GRIA2: variants seen among roughly 807,000 people sequenced by gnomAD.
GRIA2 encodes the protein glutamate receptor 2.
Under a neutral mutation model 97.3 loss-of-function variants are expected in GRIA2, and 14 were observed. That is an observed-to-expected ratio of 0.14 (90% CI 0.10 to 0.23). The LOEUF is 0.23. GRIA2 is among the 10% of genes least tolerant of loss of function. The pLI, the probability that GRIA2 is intolerant of heterozygous loss-of-function variation, is 1.00. For synonymous variants in GRIA2, 412 were observed against 387.8 expected (o/e 1.06, Z -0.73); for missense variants, 558 against 1,069.8 (o/e 0.52, Z 6.67).
intron 6 of GRIA2, among the ~76,000 whole-genome samples, chr4:157,325,591 C>G (rs143044950): frequency 1.5e-3 from 223 of 152,234 alleles, no homozygotes; most frequent in African/African-American, 5.1e-3. Flanking sequence ...CTTATATATT[C>G]AAAACTAAAC....
At position 157,221,070 on chromosome 4, in the gene GRIA2, C is replaced by G. The variant is rs1386115958; in HGVS notation, c.28C>G (p.Leu10Val). The change falls in exon 1 of 16, where the codon CTC becomes GTC. Residue 10 changes from leucine to valine, a missense_variant. Coordinates refer to ENST00000264426, the MANE Select transcript of GRIA2 (RefSeq NM_001083619.3). ...GCAAAAGATTATGCATATTTCTGTCCTCCTTTCTCCTGTTTTATGGGGACT... is the reference window on the plus strand; with the variant it reads ...GCAAAAGATTATGCATATTTCTGTCGTCCTTTCTCCTGTTTTATGGGGACT... MQKIMHISV[L>V]LSPVLWGLIF... is the part of the protein sequence containing the mutation. 1 of 1,590,624 alleles carries G rather than the reference C, an allele frequency of 6.3e-7. No homozygotes were observed. Among genetic ancestry groups the G allele is most frequent in the South Asian group, 1.1e-5 (1 of 90,596 alleles).
At chr4:157,362,309 G>A in intron 14 of GRIA2, 1 of 445,132 alleles carries the variant, frequency 2.2e-6, no homozygotes, top group South Asian at 1.6e-5. Context: ...TACTTTGAGG[G>A]ATTGGAAATG....
chr4:157,284,885 C>A (rs1732768961), intron 2 of GRIA2, among the ~76,000 whole-genome samples: 1 of 151,588 alleles, frequency 6.6e-6, no homozygotes, highest in African/African-American at 2.4e-5. Context: ...AGCAATGCAG[C>A]CATGAATATT....
intron 2 of GRIA2, among the ~76,000 whole-genome samples, chr4:157,241,288 C>T (rs974598552): frequency 6.6e-6 from 1 of 152,034 alleles, no homozygotes; most frequent in Admixed American, 6.6e-5. Flanking sequence ...GTTTGAGACG[C>T]CTAATTCTTG....
chr4:157,305,020 T>G (rs541014901), intron 3 of GRIA2, among the ~76,000 whole-genome samples: 68 of 152,316 alleles, frequency 4.5e-4, no homozygotes, highest in Admixed American at 1.8e-3. Flanking sequence ...TGCTTTGCTA[T>G]TCCCATAGGG....
Position 157,361,237 on chromosome 4 carries a change from T to G in GRIA2, c.2406+113T>G, listed in dbSNP as rs1736618731. On this transcript the variant is annotated intron_variant, in intron 14 of 15. Coordinates refer to ENST00000264426, the MANE Select transcript of GRIA2 (RefSeq NM_001083619.3). The surrounding 1 kb of genome is among the most constrained non-coding windows in gnomAD (Gnocchi z 5.2). Reference sequence around the variant, plus strand: ...AAGTTTCCAACGCTAAGCTGAAGAGTGCAATTGGATGACCAGGACACTTGA... The same window carrying G: ...AAGTTTCCAACGCTAAGCTGAAGAGGGCAATTGGATGACCAGGACACTTGA... 1 of 741,402 alleles carries G rather than the reference T, an allele frequency of 1.3e-6. No individual in the cohort carries two copies. The highest frequency in any genetic ancestry group is 2.3e-6 in the Non-Finnish European group (1 of 440,168). The allele number at this position is 741,402 out of a possible 1,614,324, so 45.9% of individuals were successfully genotyped here. A position where few individuals can be genotyped will look rare whatever the true frequency, so the allele number is the denominator to read the frequency against.
At chr4:157,270,142 T>C (rs895975600) in intron 2 of GRIA2, among the ~76,000 whole-genome samples, 18 of 152,142 alleles carry the variant, frequency 1.2e-4, no homozygotes, top group African/African-American at 4.3e-4. Context: ...TTTAATTTCA[T>C]ATGTGATATT....
At chr4:157,331,780 T>C (rs1398362997) in intron 6 of GRIA2, among the ~76,000 whole-genome samples, 1 of 151,902 alleles carries the variant, frequency 6.6e-6, no homozygotes, top group Non-Finnish European at 1.5e-5. Context: ...TGTGGAGGTC[T>C]CAGTATTTGG....
intron 7 of GRIA2, 31 bp downstream of exon 7, chr4:157,333,017 C>T (rs1735126515): frequency 6.6e-7 from 1 of 1,512,950 alleles, no homozygotes; most frequent in Non-Finnish European, 9.0e-7. Flanking sequence ...GTTAACGTGA[C>T]TTAATATGGC....
chr4:157,236,191 T>C (rs1730237840), intron 2 of GRIA2, among the ~76,000 whole-genome samples: 1 of 152,086 alleles, frequency 6.6e-6, no homozygotes, highest in South Asian at 2.1e-4. Context: ...AAAATTTTAA[T>C]TTAGCTTCTT....
chr4:157,358,577 C>T (rs1015208599), intron 12 of GRIA2, among the ~76,000 whole-genome samples: 1 of 152,132 alleles, frequency 6.6e-6, no homozygotes, highest in Admixed American at 6.6e-5. Flanking sequence ...TTTCAGGAGA[C>T]AGCTGGCCTT....
At chr4:157,236,611 C>G (rs1349171124) in intron 2 of GRIA2, among the ~76,000 whole-genome samples, 5 of 152,082 alleles carry the variant, frequency 3.3e-5, no homozygotes, top group African/African-American at 1.2e-4. Context: ...GCATTTAAAA[C>G]TTTGCTGGAT....
chr4:157,245,001 T>TA (rs1730664632), intron 2 of GRIA2, among the ~76,000 whole-genome samples: 1 of 151,948 alleles, frequency 6.6e-6, no homozygotes, highest in African/African-American at 2.4e-5. Flanking sequence ...TTCACTGGAT[T>TA]AAAAAAATAC....
chr4:157,222,527 A>C (rs1729547252), intron 2 of GRIA2, among the ~76,000 whole-genome samples: 1 of 152,082 alleles, frequency 6.6e-6, no homozygotes, highest in Admixed American at 6.5e-5. Flanking sequence ...TCTCCTGCTC[A>C]GTTGCGCTTC....
At chr4:157,231,704 G>GTA (rs1363018929) in intron 2 of GRIA2, among the ~76,000 whole-genome samples, 1 of 152,168 alleles carries the variant, frequency 6.6e-6, no homozygotes, top group African/African-American at 2.4e-5. Flanking sequence ...TAACTGAAAT[G>GTA]TAGCAATTCT....
chr4:157,329,618 G>A (rs919691649), intron 6 of GRIA2, among the ~76,000 whole-genome samples: 1 of 151,694 alleles, frequency 6.6e-6, no homozygotes, highest in Non-Finnish European at 1.5e-5. Context: ...GGAGTGAGAT[G>A]GTGGTTTTCA....
chr4:157,266,765 A>C (rs1731789192), intron 2 of GRIA2, among the ~76,000 whole-genome samples: 1 of 152,126 alleles, frequency 6.6e-6, no homozygotes, highest in African/African-American at 2.4e-5. Context: ...AGAAGGAATC[A>C]GTTAAAAAAT....
chr4:157,254,416 C>T (rs1478971272), intron 2 of GRIA2, among the ~76,000 whole-genome samples: 2 of 151,762 alleles, frequency 1.3e-5, no homozygotes, highest in Admixed American at 6.6e-5. Context: ...AGAGTTAACC[C>T]ATTTAAAAAA....
chr4:157,273,691 G>T (rs765761553), intron 2 of GRIA2, among the ~76,000 whole-genome samples: 1 of 151,724 alleles, frequency 6.6e-6, no homozygotes, highest in African/African-American at 2.4e-5. Flanking sequence ...AAAACAGAGA[G>T]AAAAAAAGAT....
Sources: gnomAD v4.1 joint callset for allele counts (sites outside exome capture counted in the v4.1 genomes callset) on GRCh38, gnomAD v4.1.1 for gene constraint, Gnocchi (gnomAD v3.1) non-coding constraint, MANE v1.5 for transcripts, NCBI Gene and HGNC (gene_info 2026-07-23, HGNC 2026-07-21) for gene names.